PLXDC2: variants seen among roughly 807,000 people sequenced by gnomAD.
PLXDC2 encodes plexin domain-containing protein 2.
A neutral mutation model predicts 68.9 loss-of-function variants in PLXDC2; 40 were observed. The ratio of observed to expected loss-of-function variants is 0.58; its 90% CI spans 0.45 to 0.76. The LOEUF (loss-of-function observed/expected upper bound fraction) is 0.76. Ranked by LOEUF, PLXDC2 falls within the 30% of genes least tolerant of loss-of-function variation. The pLI is 0.00. For missense variants in PLXDC2, 644 were observed against 661.9 expected, an observed-to-expected ratio of 0.97 and a Z score of 0.30; for synonymous variants, 243 against 234.2, an observed-to-expected ratio of 1.04 and a Z score of -0.34.
At chr10:20,022,614 T>C (rs1417397214) in intron 2 of PLXDC2, among the ~76,000 whole-genome samples, 2 of 151,946 alleles carry the variant, frequency 1.3e-5, no homozygotes, top group Non-Finnish European at 1.5e-5. Flanking sequence ...ATTAGAAATA[T>C]GTGAACAAAC....
intron 3 of PLXDC2, among the ~76,000 whole-genome samples, chr10:20,056,537 A>G (rs989231137): frequency 1.3e-5 from 2 of 152,162 alleles, no homozygotes; most frequent in Admixed American, 6.5e-5. Context: ...TAATAATTGA[A>G]TCTACCCTTA....
intron 12 of PLXDC2, among the ~76,000 whole-genome samples, chr10:20,228,191 C>A (rs2131875054): frequency 6.6e-6 from 1 of 152,190 alleles, no homozygotes; most frequent in East Asian, 1.9e-4. Context: ...CCATAAGATA[C>A]AAATTTAGGC....
At chr10:20,234,384 GC>G (rs1202864754) in intron 12 of PLXDC2, among the ~76,000 whole-genome samples, 13 of 152,180 alleles carry the variant, frequency 8.5e-5, no homozygotes, top group African/African-American at 3.1e-4. Flanking sequence ...TGCTGCGGTA[GC>G]TAAGGGGCAG....
intron 4 of PLXDC2, among the ~76,000 whole-genome samples, chr10:20,083,476 CAAA>C (rs376829237): frequency 3.3e-5 from 4 of 121,404 alleles, no homozygotes; most frequent in African/African-American, 5.9e-5. Context: ...GACTCCGTCT[CAAA>C]AAAAAAAAAA....
intron 2 of PLXDC2, among the ~76,000 whole-genome samples, chr10:20,011,601 C>A (rs1835116435): frequency 6.6e-6 from 1 of 152,164 alleles, no homozygotes; most frequent in African/African-American, 2.4e-5. Flanking sequence ...CTTCTGGGAT[C>A]ATTCACTGGG....
intron 1 of PLXDC2, among the ~76,000 whole-genome samples, chr10:19,840,372 G>T (rs967562576): frequency 2.6e-5 from 4 of 152,080 alleles, no homozygotes; most frequent in African/African-American, 2.4e-5. Context: ...GGATTTAGGG[G>T]CTATCTGGTC....
intron 1 of PLXDC2, among the ~76,000 whole-genome samples, chr10:19,911,472 A>G (rs187371200): frequency 5.3e-5 from 8 of 152,102 alleles, no homozygotes; most frequent in African/African-American, 1.9e-4. Flanking sequence ...AATTTCCCAT[A>G]TACCTTACAT....
intron 13 of PLXDC2, among the ~76,000 whole-genome samples, chr10:20,251,147 AT>A (rs201458052): frequency 2.0e-5 from 3 of 152,008 alleles, no homozygotes; most frequent in Admixed American, 1.3e-4. Flanking sequence ...AGAATAGCCT[AT>A]TTTTTTTATT....
intron 1 of PLXDC2, among the ~76,000 whole-genome samples, chr10:19,979,739 C>T (rs1244441983): frequency 6.6e-6 from 1 of 152,166 alleles, no homozygotes; most frequent in Non-Finnish European, 1.5e-5. Flanking sequence ...TTTAGACTCT[C>T]TAAAGGTACC....
intron 2 of PLXDC2, among the ~76,000 whole-genome samples, chr10:20,005,996 C>T (rs1199634610): frequency 2.0e-5 from 3 of 152,016 alleles, no homozygotes; most frequent in Admixed American, 1.3e-4. Context: ...TTGAGATCAG[C>T]GTGGCCAACA....
chr10:20,025,501 A>G (rs1161375082), intron 2 of PLXDC2, among the ~76,000 whole-genome samples: 5 of 152,078 alleles, frequency 3.3e-5, no homozygotes, highest in African/African-American at 1.2e-4. Flanking sequence ...ACCTCAGGTG[A>G]TCTGCCTGCC....
At chr10:20,267,195 G>T (rs949682042) in intron 13 of PLXDC2, among the ~76,000 whole-genome samples, 1 of 152,062 alleles carries the variant, frequency 6.6e-6, no homozygotes, top group African/African-American at 2.4e-5. Context: ...AAGCGAAAGT[G>T]GTGTGATTGA....
intron 4 of PLXDC2, among the ~76,000 whole-genome samples, chr10:20,078,489 T>G (rs1836491500): frequency 6.6e-6 from 1 of 152,194 alleles, no homozygotes; most frequent in South Asian, 2.1e-4. Context: ...ACATTAGGTA[T>G]GTAAAAATGA....
chr10:19,987,234 C>A (rs1488303746), intron 1 of PLXDC2, among the ~76,000 whole-genome samples: 1 of 152,138 alleles, frequency 6.6e-6, no homozygotes, highest in Non-Finnish European at 1.5e-5. Flanking sequence ...GTTCGATCAG[C>A]CTTTTCCAGA....
Position 20,030,166 on chromosome 10 carries a change from G to A in PLXDC2, c.325-16703G>A, listed in dbSNP as rs180690798. The stretch of plus-strand genomic sequence containing the variant: ...GGGCAGAGTGGCCATATAGTTACAC[G>A]TAGCCAGACAGCTCAACGGCTCAGG... On this transcript the variant is annotated intron_variant, in intron 2 of 13. Coordinates refer to ENST00000377252, the MANE Select transcript of PLXDC2 (RefSeq NM_032812.9). Among the ~76,000 whole-genome samples the A allele has an allele frequency of 3.0e-4, 45 of 151,330 alleles. No individual in the cohort carries two copies. In the East Asian group the frequency reaches 7.1e-3, roughly 24 times the overall value.
intron 13 of PLXDC2, among the ~76,000 whole-genome samples, chr10:20,248,996 A>C (rs1835636252): frequency 6.6e-6 from 1 of 152,266 alleles, no homozygotes; most frequent in South Asian, 2.1e-4. Context: ...TCCAGCATGC[A>C]GAAATGATGA....
At chr10:20,098,688 A>G (rs901230007) in intron 4 of PLXDC2, among the ~76,000 whole-genome samples, 2 of 152,082 alleles carry the variant, frequency 1.3e-5, no homozygotes, top group African/African-American at 4.8e-5. Context: ...CATTGCTCCC[A>G]TCATATGTAG....
At chr10:20,028,498 A>G (rs767820036) in intron 2 of PLXDC2, among the ~76,000 whole-genome samples, 28 of 152,180 alleles carry the variant, frequency 1.8e-4, no homozygotes, top group Non-Finnish European at 3.4e-4. Flanking sequence ...TTGGGAATCA[A>G]TGGTATTATT....
intron 1 of PLXDC2, among the ~76,000 whole-genome samples, chr10:19,858,884 G>A (rs184245771): frequency 1.9e-4 from 29 of 152,140 alleles, no homozygotes; most frequent in African/African-American, 5.8e-4. Context: ...ACAGAAAAGA[G>A]GCTTATTTGG....
Sources: allele counts gnomAD v4.1 joint callset (sites outside exome capture counted in the v4.1 genomes callset), GRCh38; gene constraint gnomAD v4.1.1; transcripts MANE v1.5; gene names NCBI Gene and HGNC (gene_info 2026-07-23, HGNC 2026-07-21).